The following ZNRF4 variants were observed in gnomAD, a reference collection of about 807,000 sequenced individuals.
ZNRF4 encodes zinc and ring finger 4.
For missense variants in ZNRF4, 569 were observed against 609.4 expected (o/e 0.93, Z 0.70); for synonymous variants, 291 against 285.9 (o/e 1.02, Z -0.18).
rs756757761 is a variant in ZNRF4, at chr19:5,455,669, C to G, written c.178C>G (p.Pro60Ala). 6.2e-7 allele frequency: 1 copy of G among 1,609,992 alleles called. No homozygotes were observed. The highest frequency in any genetic ancestry group is 8.5e-7 in the Non-Finnish European group (1 of 1,179,956). The change falls in exon 1 of 1, where the codon CCT becomes GCT. Residue 60 changes from proline (P) to alanine (A), a missense_variant. Coordinates refer to ENST00000222033, the MANE Select transcript of ZNRF4 (RefSeq NM_181710.4). ...CTCATGCCTGCCGCCTCCAGTGGGACCTAGCAGCACACAGACAGCGAAGCG... is the reference window on the plus strand; with the variant it reads ...CTCATGCCTGCCGCCTCCAGTGGGAGCTAGCAGCACACAGACAGCGAAGCG... ...KASCLPPPVG[P>A]SSTQTAKRVT...
In ZNRF4 at chr19:5,455,597, C is replaced by T. The variant is rs533579864; in HGVS notation, c.106C>T (p.Arg36Cys). 38 of 1,612,122 alleles carry T rather than the reference C, an allele frequency of 2.4e-5. 1 individual carries two copies. The East Asian group carries it at 3.8e-4, about 16-fold the overall frequency. The part of the protein sequence containing the change: ...HAVIPTQLPS[R>C]PGHRPPGRPR... Reference sequence around the variant, plus strand: ...GGTCATTCCAACTCAACTGCCCTCGCGTCCTGGCCACAGGCCCCCTGGGAG... The same window carrying T: ...GGTCATTCCAACTCAACTGCCCTCGTGTCCTGGCCACAGGCCCCCTGGGAG... The change falls in exon 1 of 1, where the codon CGT becomes TGT. Residue 36 changes from arginine to cysteine, a missense_variant. Coordinates refer to ENST00000222033, the MANE Select transcript of ZNRF4 (RefSeq NM_181710.4).
rs777969740 is a variant in ZNRF4 at position 5,455,847 on chromosome 19, T to A, written c.356T>A (p.Leu119Gln). 1.9e-6 allele frequency: 3 copies of A among 1,603,846 alleles called. No individual in the cohort carries two copies. Among genetic ancestry groups the A allele is most frequent in the African/African-American group, 1.3e-5 (1 of 74,946 alleles). Residue 119 changes from leucine to glutamine, a missense_variant, in exon 1 of 1, where the codon CTG becomes CAG. Leu to Gln is a moderately radical substitution (Grantham distance 113). Transcript: ENST00000222033. ...GTGGACTTTGCGGATCTGCCGGCGC[T>A]GTTCGGCGTCCCCCTGGCCCCCGAG... ...SSVDFADLPA[L>Q]FGVPLAPEGI... is the part of the protein sequence containing the mutation.
Position 5,455,455 on chromosome 19 carries a change from C to G in ZNRF4, c.-37C>G. The G allele has an allele frequency of 6.4e-7, 1 of 1,554,218 alleles. No homozygotes were observed. ...CATCTGCCAGAAAGGCCACCTGCGC[C>G]AGCACCTCCTGAGACCGGCCTTCAA... is the stretch of plus-strand genomic sequence containing the variant. On this transcript the variant is annotated 5_prime_UTR_variant, in exon 1 of 1. Coordinates refer to ENST00000222033, the MANE Select transcript of ZNRF4 (RefSeq NM_181710.4).
In ZNRF4 at chr19:5,455,607, A is replaced by G. The variant is rs748802164; in HGVS notation, c.116A>G (p.His39Arg). The change falls in exon 1 of 1, where the codon CAC becomes CGC. Residue 39 changes from histidine (H) to arginine (R), a missense_variant. Physicochemically the swap from His to Arg is conservative, Grantham distance 29. Coordinates refer to ENST00000222033, the MANE Select transcript of ZNRF4 (RefSeq NM_181710.4). ...IPTQLPSRPG[H>R]RPPGRPRRCP... is the part of the protein sequence containing the mutation. ...ACTCAACTGCCCTCGCGTCCTGGCC[A>G]CAGGCCCCCTGGGAGACCCCGGAGA... The G allele has an allele frequency of 1.2e-6, 2 of 1,611,412 alleles. No individual in the cohort carries two copies. Among genetic ancestry groups the G allele is most frequent in the South Asian group, 2.2e-5 (2 of 91,084 alleles).
Position 5,455,914 on chromosome 19 carries a change from G to A in ZNRF4, c.423G>A (p.Ala141=), listed in dbSNP as rs974204211. ...GYLMEVKPAN[A]CHPIEAPRLG... ...TGATGGAGGTCAAGCCAGCCAACGCGTGCCATCCCATCGAGGCCCCGCGAC... is the reference window on the plus strand; with the variant it reads ...TGATGGAGGTCAAGCCAGCCAACGCATGCCATCCCATCGAGGCCCCGCGAC... Residue 141 remains alanine (A), a synonymous_variant, in exon 1 of 1, where the codon GCG becomes GCA. Coordinates refer to ENST00000222033, the MANE Select transcript of ZNRF4 (RefSeq NM_181710.4). The A allele has an allele frequency of 6.9e-6, 11 of 1,601,802 alleles. No individual in the cohort carries two copies. Among genetic ancestry groups the A allele is most frequent in the South Asian group, 2.2e-5 (2 of 91,024 alleles).
rs2240744 is a variant in ZNRF4, at chr19:5,455,724, G to A, written c.233G>A (p.Arg78Gln). 0.19 allele frequency: 303,762 copies of A among 1,606,138 alleles called. 31,052 individuals are homozygous for A. Among genetic ancestry groups the A allele is most frequent in the East Asian group, 0.39 (17,263 of 44,834 alleles). ...RVTMGWPRPGRALVAVKALLV... is the reference protein window; with the variant it reads ...RVTMGWPRPGQALVAVKALLV... ...ACCATGGGGTGGCCACGGCCGGGCC[G>A]AGCCCTCGTGGCAGTCAAAGCCTTG... Residue 78 changes from arginine (R) to glutamine (Q), a missense_variant, in exon 1 of 1, where the codon CGA becomes CAA. By Grantham distance (43) the Arg-to-Gln change is conservative. Transcript: ENST00000222033.
chr19:5,455,945 A>C lies in ZNRF4; in HGVS notation c.454A>C (p.Asn152His). ...TCCCATCGAGGCCCCGCGACTGGGC[A>C]ACCGCTCTCTGGGCGCCATCGTGCT... ...CHPIEAPRLGNRSLGAIVLIR... is the reference protein window; with the variant it reads ...CHPIEAPRLGHRSLGAIVLIR... The change falls in exon 1 of 1, where the codon AAC becomes CAC. Residue 152 changes from asparagine (N) to histidine (H), a missense_variant. By Grantham distance (68) the Asn-to-His change is moderately conservative. Coordinates refer to ENST00000222033, the MANE Select transcript of ZNRF4 (RefSeq NM_181710.4). The C allele has an allele frequency of 6.2e-7, 1 of 1,600,842 alleles. No homozygotes were observed. The highest frequency in any genetic ancestry group is 8.5e-7 in the Non-Finnish European group (1 of 1,179,448).
rs539445102 is a variant in ZNRF4, at chr19:5,456,105, G to C, written c.614G>C (p.Gly205Ala). Residue 205 changes from glycine to alanine, a missense_variant, in exon 1 of 1, where the codon GGC (glycine) becomes GCC (alanine). By Grantham distance (60) the Gly-to-Ala change is moderately conservative. Transcript: ENST00000222033. ...SMTHVYEDLRGQIAIPSVFVS... is the reference protein window; with the variant it reads ...SMTHVYEDLRAQIAIPSVFVS... Reference sequence around the variant, plus strand: ...ACCCACGTCTACGAGGACTTGAGGGGCCAGATCGCCATCCCCTCAGTGTTC... The same window carrying C: ...ACCCACGTCTACGAGGACTTGAGGGCCCAGATCGCCATCCCCTCAGTGTTC... The C allele has an allele frequency of 2.2e-5, 36 of 1,606,738 alleles. No homozygotes were observed. In the East Asian group the frequency reaches 4.2e-4, roughly 19 times the overall value.
chr19:5,456,095 G>T lies in ZNRF4; in HGVS notation c.604G>T (p.Asp202Tyr). 1 of 1,606,556 alleles carries T rather than the reference G, an allele frequency of 6.2e-7. No homozygotes were observed. Among genetic ancestry groups the T allele is most frequent in the Non-Finnish European group, 8.5e-7 (1 of 1,179,882 alleles). Residue 202 changes from aspartate (D) to tyrosine (Y), a missense_variant, in exon 1 of 1, where the codon GAC becomes TAC. Asp to Tyr is a radical substitution (Grantham distance 160). Transcript: ENST00000222033. ...CGTGAGCATGACCCACGTCTACGAG[G>T]ACTTGAGGGGCCAGATCGCCATCCC... is the stretch of plus-strand genomic sequence containing the variant. The part of the protein sequence containing the change: ...DLVSMTHVYE[D>Y]LRGQIAIPSV...
At position 5,456,233 on chromosome 19, in the gene ZNRF4, T is replaced by C. The variant is rs778657576; in HGVS notation, c.742T>C (p.Cys248Arg). 1 of 1,612,402 alleles carries C rather than the reference T, an allele frequency of 6.2e-7. No individual in the cohort carries two copies. The highest frequency in any genetic ancestry group is 2.2e-5 in the East Asian group (1 of 44,876). ...PDDPPCHDLG[C>R]HPVLTVSWVL... Reference sequence around the variant, plus strand: ...CGACCCACCGTGCCACGACCTGGGCTGTCACCCCGTGCTGACCGTGTCCTG... The same window carrying C: ...CGACCCACCGTGCCACGACCTGGGCCGTCACCCCGTGCTGACCGTGTCCTG... Residue 248 changes from cysteine to arginine, a missense_variant, in exon 1 of 1, where the codon TGT becomes CGT. Physicochemically the swap from Cys to Arg is radical, Grantham distance 180. Transcript: ENST00000222033.
In ZNRF4 at chr19:5,456,772, T is replaced by A. The variant is rs1467178128; in HGVS notation, c.1281T>A (p.Pro427=). The part of the protein sequence containing the change: ...TTVSSAPPEA[P]GQ ...TCTCCTCAGCCCCTCCTGAGGCCCC[T>A]GGTCAGTAAAGATCTAGGGCAGGGA... The change falls in exon 1 of 1, where the codon CCT becomes CCA. Residue 427 remains proline, a synonymous_variant. Coordinates refer to ENST00000222033, the MANE Select transcript of ZNRF4 (RefSeq NM_181710.4). 5.2e-6 allele frequency: 8 copies of A among 1,550,588 alleles called. No individual in the cohort carries two copies. The highest frequency in any genetic ancestry group is 6.1e-6 in the Non-Finnish European group (7 of 1,145,372).
At position 5,456,514 on chromosome 19, in the gene ZNRF4, C is replaced by T. The variant is rs577627752; in HGVS notation, c.1023C>T (p.Ser341=). The T allele has an allele frequency of 6.2e-7, 1 of 1,614,180 alleles. No homozygotes were observed. The highest frequency in any genetic ancestry group is 2.2e-5 in the East Asian group (1 of 44,874). The change falls in exon 1 of 1, where the codon TCC becomes TCT. Residue 341 remains serine, a synonymous_variant. Coordinates refer to ENST00000222033, the MANE Select transcript of ZNRF4 (RefSeq NM_181710.4). ...GCAAATGCATTGACCCCTGGTTCTCCCAAGCCCCCCGGCGCTCCTGCCCCG... is the reference window on the plus strand; with the variant it reads ...GCAAATGCATTGACCCCTGGTTCTCTCAAGCCCCCCGGCGCTCCTGCCCCG... ...YHCKCIDPWF[S]QAPRRSCPVC... is the part of the protein sequence containing the mutation.
In ZNRF4 at chr19:5,455,634, G is replaced by A. The variant is rs1328855551; in HGVS notation, c.143G>A (p.Cys48Tyr). The A allele has an allele frequency of 2.5e-6, 4 of 1,610,654 alleles. No individual in the cohort carries two copies. The highest frequency in any genetic ancestry group is 1.3e-5 in the African/African-American group (1 of 74,938). ...AGGCCCCCTGGGAGACCCCGGAGAT[G>A]CCCAAAGGCCTCATGCCTGCCGCCT... is the stretch of plus-strand genomic sequence containing the variant. ...GHRPPGRPRRCPKASCLPPPV... is the reference protein window; with the variant it reads ...GHRPPGRPRRYPKASCLPPPV... The change falls in exon 1 of 1, where the codon TGC becomes TAC. Residue 48 changes from cysteine (C) to tyrosine (Y), a missense_variant. Transcript: ENST00000222033.
rs778950875 is a variant in ZNRF4, at chr19:5,456,550, G to A, written c.1059G>A (p.Gln353=). ...GGCGCTCCTGCCCCGTGTGCAAACA[G>A]TCGGTGGCCGCCACAGAAGACAGCT... ...APRRSCPVCK[Q]SVAATEDSFD... Residue 353 remains glutamine (Q), a synonymous_variant, in exon 1 of 1, where the codon CAG becomes CAA. Coordinates refer to ENST00000222033, the MANE Select transcript of ZNRF4 (RefSeq NM_181710.4). 1.2e-6 allele frequency: 2 copies of A among 1,614,138 alleles called. No homozygotes were observed. The highest frequency in any genetic ancestry group is 1.3e-5 in the African/African-American group (1 of 75,062).
In ZNRF4 at chr19:5,455,966, G is replaced by T; in HGVS notation, c.475G>T (p.Val159Leu). ...RLGNRSLGAI[V>L]LIRRYDCTFD... ...GGGCAACCGCTCTCTGGGCGCCATC[G>T]TGCTGATCCGCCGCTACGACTGCAC... The change falls in exon 1 of 1, where the codon GTG becomes TTG. Residue 159 changes from valine to leucine, a missense_variant. Transcript: ENST00000222033. 6.2e-7 allele frequency: 1 copy of T among 1,600,348 alleles called. No individual in the cohort carries two copies.
rs377472519 is a variant in ZNRF4 at position 5,455,984 on chromosome 19, G to A, written c.493G>A (p.Asp165Asn). Residue 165 changes from aspartate (D) to asparagine (N), a missense_variant, in exon 1 of 1, where the codon GAC becomes AAC. Transcript: ENST00000222033. Reference sequence around the variant, plus strand: ...CGCCATCGTGCTGATCCGCCGCTACGACTGCACCTTCGACCTCAAGGTGCT... The same window carrying A: ...CGCCATCGTGCTGATCCGCCGCTACAACTGCACCTTCGACCTCAAGGTGCT... ...LGAIVLIRRY[D>N]CTFDLKVLNA... 3.0e-4 allele frequency: 474 copies of A among 1,600,374 alleles called. No individual in the cohort carries two copies. The highest frequency in any genetic ancestry group is 3.9e-4 in the Non-Finnish European group (459 of 1,179,716).
rs746264967 is a variant in ZNRF4, at chr19:5,456,191, G to T, written c.700G>T (p.Ala234Ser). ...VILGCNKSAH[A>S]LLLPDDPPCH... ...CCTGGGCTGCAACAAGTCGGCCCAC[G>T]CGCTGCTCCTGCCCGACGACCCACC... The change falls in exon 1 of 1, where the codon GCG becomes TCG. Residue 234 changes from alanine (A) to serine (S), a missense_variant. Physicochemically the swap from Ala to Ser is moderately conservative, Grantham distance 99. Transcript: ENST00000222033. 3.7e-6 allele frequency: 6 copies of T among 1,608,940 alleles called. 1 individual carries two copies. The highest frequency in any genetic ancestry group is 3.3e-4 in the Middle Eastern group (2 of 6,084).
rs1463439426 is a variant in ZNRF4 at position 5,456,161 on chromosome 19, G to T, written c.670G>T (p.Val224Phe). 6.2e-6 allele frequency: 10 copies of T among 1,607,560 alleles called. No homozygotes were observed. Among genetic ancestry groups the T allele is most frequent in the Non-Finnish European group, 7.6e-6 (9 of 1,179,818 alleles). The stretch of plus-strand genomic sequence containing the variant: ...CGAGGCCGCCTCGCAGGACCTGCGG[G>T]TCATCCTGGGCTGCAACAAGTCGGC... The part of the protein sequence containing the change: ...VSEAASQDLR[V>F]ILGCNKSAHA... Residue 224 changes from valine (V) to phenylalanine (F), a missense_variant, in exon 1 of 1, where the codon GTC (valine) becomes TTC (phenylalanine). Transcript: ENST00000222033.
rs532267080 is a variant in ZNRF4 at position 5,455,760 on chromosome 19, C to T, written c.269C>T (p.Ser90Leu). The T allele has an allele frequency of 3.7e-6, 6 of 1,604,700 alleles. No individual in the cohort carries two copies. The highest frequency in any genetic ancestry group is 2.2e-5 in the South Asian group (2 of 91,062). ...LVAVKALLVL[S>L]LLQVPAQAVV... ...GCAGTCAAAGCCTTGCTGGTCTTGT[C>T]GCTGCTCCAGGTGCCCGCGCAGGCA... is the stretch of plus-strand genomic sequence containing the variant. Residue 90 changes from serine (S) to leucine (L), a missense_variant, in exon 1 of 1, where the codon TCG (serine) becomes TTG (leucine). Coordinates refer to ENST00000222033, the MANE Select transcript of ZNRF4 (RefSeq NM_181710.4).
Sources: allele counts gnomAD v4.1 joint callset, GRCh38; gene constraint gnomAD v4.1.1; transcripts MANE v1.5; gene names NCBI Gene and HGNC (gene_info 2026-07-23, HGNC 2026-07-21).